The following RRM2B variants were observed in gnomAD, a reference collection of about 807,000 sequenced individuals.
RRM2B encodes ribonucleoside-diphosphate reductase subunit M2 B.
In RRM2B, 20 loss-of-function variants were observed where a neutral mutation model predicts 45.9. The observed-to-expected ratio is 0.44, with a 90% CI of 0.31 to 0.63. RRM2B has a LOEUF of 0.63. RRM2B is among the 30% of genes least tolerant of loss of function. RRM2B has a pLI of 0.09. For missense variants in RRM2B, 320 were observed against 414.7 expected, an observed-to-expected ratio of 0.77 and a Z score of 1.98; for synonymous variants, 124 against 132.3, an observed-to-expected ratio of 0.94 and a Z score of 0.43.
intron 4 of RRM2B, 42 bp downstream of exon 4, chr8:102,224,843 C>T: frequency 1.3e-6 from 2 of 1,593,554 alleles, no homozygotes; most frequent in Non-Finnish European, 1.7e-6. Flanking sequence ...TGAACATAAC[C>T]AAGCCGTAAG....
intron 5 of RRM2B, 186 bp from the exon 6 acceptor site, chr8:102,219,133 A>T: frequency 1.6e-6 from 1 of 617,636 alleles, no homozygotes; most frequent in Non-Finnish European, 2.8e-6. Flanking sequence ...GCAGAAAGGT[A>T]TGCCTCCTTC....
At chr8:102,238,455 C>T (rs1811162541) in intron 1 of RRM2B, 1 of 1,043,360 alleles carries the variant, frequency 9.6e-7, no homozygotes, top group Non-Finnish European at 1.3e-6. Flanking sequence ...CCAGCAGAGC[C>T]GCCACAGTCC....
At chr8:102,209,282 C>T (rs1408735755) in intron 8 of RRM2B, among the ~76,000 whole-genome samples, 1 of 152,102 alleles carries the variant, frequency 6.6e-6, no homozygotes, top group Non-Finnish European at 1.5e-5. Context: ...AATATGAACA[C>T]TACAGATAAA....
At chr8:102,212,224 C>G (rs1810646424) in intron 8 of RRM2B, among the ~76,000 whole-genome samples, 1 of 152,160 alleles carries the variant, frequency 6.6e-6, no homozygotes, top group Non-Finnish European at 1.5e-5. Context: ...AAAGGTCACA[C>G]AGCTAGAAAG....
rs750863140 is a variant in RRM2B at position 102,238,914 on chromosome 8, G to T, written c.-40C>A. 3 of 1,600,858 alleles carry T rather than the reference G, an allele frequency of 1.9e-6. No homozygotes were observed. In the Admixed American group the frequency reaches 5.0e-5, roughly 27 times the overall value. ...CGAAGCTACGGGCGCTGAGGGAACTGAGCTCCTCAGGCCACCTCCAACTAC... is the reference window on the plus strand; with the variant it reads ...CGAAGCTACGGGCGCTGAGGGAACTTAGCTCCTCAGGCCACCTCCAACTAC... On this transcript the variant is annotated 5_prime_UTR_variant, in exon 1 of 9. Transcript: ENST00000251810.
In RRM2B at chr8:102,212,813, A is replaced by G. The variant is rs1415844330; in HGVS notation, c.866T>C (p.Val289Ala). 6 of 1,610,294 alleles carry G rather than the reference A, an allele frequency of 3.7e-6. No homozygotes were observed. The highest frequency in any genetic ancestry group is 1.3e-5 in the African/African-American group (1 of 74,948). Reference protein sequence around the residue: ...CILMKQYIEFVADRLLVELGF... With the variant: ...CILMKQYIEFAADRLLVELGF... Reference sequence around the variant, plus strand: ...AAGTTCCACAAGTAATCTGTCAGCTACAAACTCAATGTACTGTTTCATCAA... The same window carrying G: ...AAGTTCCACAAGTAATCTGTCAGCTGCAAACTCAATGTACTGTTTCATCAA... The change falls in exon 8 of 9, where the codon GTA (valine) becomes GCA (alanine). Residue 289 changes from valine to alanine, a missense_variant. Val to Ala is a moderately conservative substitution (Grantham distance 64). Transcript: ENST00000251810.
intron 6 of RRM2B, among the ~76,000 whole-genome samples, chr8:102,217,431 A>G (rs1810749727): frequency 6.6e-6 from 1 of 152,194 alleles, no homozygotes; most frequent in Non-Finnish European, 1.5e-5. Flanking sequence ...AAGCCATGAA[A>G]AAGCAAAAAG....
At chr8:102,211,614 G>C (rs920632126) in intron 8 of RRM2B, among the ~76,000 whole-genome samples, 3 of 152,114 alleles carry the variant, frequency 2.0e-5, no homozygotes, top group Non-Finnish European at 4.4e-5. Flanking sequence ...AAAGAATAGC[G>C]AATTCACTGT....
chr8:102,208,799 G>A (rs931888211), intron 8 of RRM2B, among the ~76,000 whole-genome samples: 9 of 152,168 alleles, frequency 5.9e-5, no homozygotes, highest in African/African-American at 2.2e-4. Context: ...GTGACTAGAT[G>A]TCTCCAAACA....
intron 1 of RRM2B, among the ~76,000 whole-genome samples, chr8:102,232,816 A>ACTCACC (rs1171872969): frequency 1.1e-4 from 17 of 152,102 alleles, no homozygotes; most frequent in Admixed American, 3.3e-4. Flanking sequence ...TTATCTGAAA[A>ACTCACC]CTCATTACCT....
intron 1 of RRM2B, among the ~76,000 whole-genome samples, chr8:102,238,225 A>T (rs559761526): frequency 6.6e-6 from 1 of 152,300 alleles, no homozygotes; most frequent in Admixed American, 6.5e-5. Context: ...CTGAAGTATC[A>T]CTTCCATTGT....
At chr8:102,222,553 T>C (rs1010909521) in intron 5 of RRM2B, among the ~76,000 whole-genome samples, 8 of 152,204 alleles carry the variant, frequency 5.3e-5, no homozygotes, top group African/African-American at 1.7e-4. Flanking sequence ...ATTTTCATAA[T>C]AACATTAAGG....
At position 102,232,242 on chromosome 8, in the gene RRM2B, CTT is replaced by C. The variant is rs1587186105; in HGVS notation, c.109_110del (p.Lys37GlufsTer14). The C allele has an allele frequency of 1.2e-6, 2 of 1,614,016 alleles. No homozygotes were observed. Among genetic ancestry groups the C allele is most frequent in the Admixed American group, 3.3e-5 (2 of 60,002 alleles). Reference protein sequence around the residue: ...IKSNEEPLLRKSSRRFVIFPI... With the variant: ...IKSNEEPLLRXSSRRFVIFPI... ...GAAAGATGACAAACCGGCGAGAACT[CTT>C]TCTTAGGAGTGGCTCTTCATTTGAC... On this transcript the variant is annotated frameshift_variant, in exon 2 of 9. Coordinates refer to ENST00000251810, the MANE Select transcript of RRM2B (RefSeq NM_015713.5). LOFTEE classifies it high-confidence loss of function.
intron 1 of RRM2B, among the ~76,000 whole-genome samples, chr8:102,235,266 T>C (rs995129644): frequency 1.8e-4 from 27 of 152,224 alleles, no homozygotes; most frequent in African/African-American, 6.3e-4. Context: ...AGAAGTAGAA[T>C]GAATTATTCT....
intron 3 of RRM2B, 23 bp downstream of exon 3, chr8:102,225,895 G>T: frequency 7.5e-7 from 1 of 1,327,748 alleles, no homozygotes; most frequent in Non-Finnish European, 1.1e-6. Context: ...GAGAACAAAA[G>T]TTAAATCAAG....
chr8:102,230,611 T>G (rs1811010899), intron 2 of RRM2B, among the ~76,000 whole-genome samples: 1 of 152,188 alleles, frequency 6.6e-6, no homozygotes, highest in Non-Finnish European at 1.5e-5. Context: ...TTTTGTGTGG[T>G]TTGGTTTTTT....
chr8:102,223,653 G>A (rs1810872831), intron 5 of RRM2B, among the ~76,000 whole-genome samples: 2 of 135,400 alleles, frequency 1.5e-5, no homozygotes, highest in East Asian at 2.2e-4. Context: ...CCAGGATCAC[G>A]CCACCACACT....
At chr8:102,219,708 T>C (rs970060230) in intron 5 of RRM2B, among the ~76,000 whole-genome samples, 5 of 152,188 alleles carry the variant, frequency 3.3e-5, no homozygotes, top group Non-Finnish European at 7.3e-5. Flanking sequence ...GTCACCACAC[T>C]GCATATGCCT....
chr8:102,219,792 T>C (rs1009599445), intron 5 of RRM2B, among the ~76,000 whole-genome samples: 1 of 152,252 alleles, frequency 6.6e-6, no homozygotes, highest in African/African-American at 2.4e-5. Context: ...AGCTGAGTGC[T>C]TGAGTGCACT....
Sources: gnomAD v4.1 joint callset for allele counts (sites outside exome capture counted in the v4.1 genomes callset) on GRCh38, gnomAD v4.1.1 for gene constraint, MANE v1.5 for transcripts, NCBI Gene and HGNC (gene_info 2026-07-23, HGNC 2026-07-21) for gene names.